Variants in LRRC20 observed in about 807,000 individuals in gnomAD.
The protein encoded by LRRC20 is leucine-rich repeat-containing protein 20.
Under a neutral mutation model 14.4 loss-of-function variants are expected in LRRC20, and 11 were observed. The observed-to-expected ratio is 0.77, with a 90% CI of 0.48 to 1.27. The LOEUF (loss-of-function observed/expected upper bound fraction) is 1.27. Ranked by LOEUF, LRRC20 falls within the 50% of genes most tolerant of loss-of-function variation. LRRC20 has a pLI of 0.00. For synonymous variants in LRRC20, 121 were observed against 107.3 expected (o/e 1.13, Z -0.79); for missense variants, 219 against 251.2 (o/e 0.87, Z 0.87).
chr10:70,305,568 G>C (rs79053618), intron 4 of LRRC20, among the ~76,000 whole-genome samples: 1 of 152,130 alleles, frequency 6.6e-6, no homozygotes, highest in Non-Finnish European at 1.5e-5. Context: ...ATGTCTTTAG[G>C]ACTTTCAGTT....
rs192467321 is a variant in LRRC20, at chr10:70,353,959, A to T, written c.83-13257T>A. Among the ~76,000 whole-genome samples the T allele has an allele frequency of 3.3e-5, 5 of 152,284 alleles. No homozygotes were observed. The East Asian group carries it at 9.6e-4, about 29-fold the overall frequency. The stretch of plus-strand genomic sequence containing the variant: ...ATAAAAGGGGACTTAGAGTTGAAAG[A>T]GCTGGTGAAAGAGTCATCAGGGTAT... On this transcript the variant is annotated intron_variant, in intron 2 of 4. Transcript: ENST00000446961.
chr10:70,312,798 T>C (rs1326177241), intron 4 of LRRC20, among the ~76,000 whole-genome samples: 2 of 152,138 alleles, frequency 1.3e-5, no homozygotes, highest in African/African-American at 4.8e-5. Flanking sequence ...GGACCATCGG[T>C]GCTCTCCAGG....
Position 70,353,204 on chromosome 10 carries a change from C to T in LRRC20, c.83-12502G>A, listed in dbSNP as rs867377488. On this transcript the variant is annotated intron_variant, in intron 2 of 4. Coordinates refer to ENST00000446961, the MANE Select transcript of LRRC20 (RefSeq NM_001278212.2). ...ACCCTATAAATAGGTCACTACTATG[C>T]TTACCCCTGGTTAACAGTTAAGGAA... is the stretch of plus-strand genomic sequence containing the variant. Among the ~76,000 whole-genome samples the T allele has an allele frequency of 5.8e-4, 88 of 152,186 alleles. 2 individuals carry two copies. The highest frequency in any genetic ancestry group is 3.2e-3 in the Middle Eastern group (1 of 316).
At chr10:70,318,657 G>A (rs907156945) in intron 4 of LRRC20, among the ~76,000 whole-genome samples, 3 of 151,932 alleles carry the variant, frequency 2.0e-5, no homozygotes, top group Admixed American at 6.5e-5. Flanking sequence ...GAGAGGCTGA[G>A]GTGGGAGGAT....
At chr10:70,328,328 G>C (rs1237840190) in intron 3 of LRRC20, among the ~76,000 whole-genome samples, 1 of 149,944 alleles carries the variant, frequency 6.7e-6, no homozygotes, top group African/African-American at 2.5e-5. Context: ...ATGGAGTTTT[G>C]CTCTTTCGCC....
At chr10:70,329,898 T>A (rs1397309700) in intron 3 of LRRC20, among the ~76,000 whole-genome samples, 10 of 152,184 alleles carry the variant, frequency 6.6e-5, no homozygotes. Flanking sequence ...CACTGATTGA[T>A]TTCTAAAGTT....
chr10:70,300,493 G>A lies in LRRC20; in HGVS notation c.*861C>T, dbSNP rs1199851565. 2.0e-6 allele frequency: 2 copies of A among 985,448 alleles called. No homozygotes were observed. Among genetic ancestry groups the A allele is most frequent in the African/African-American group, 3.5e-5 (2 of 57,234 alleles). 61.0% of individuals were successfully genotyped at this position (985,448 alleles called of 1,614,324 possible). ...GAGGCCATGACAAGGCAGCCAGGCTGCTGCTGGACTGGACAGTGGTGAGGG... is the reference window on the plus strand; with the variant it reads ...GAGGCCATGACAAGGCAGCCAGGCTACTGCTGGACTGGACAGTGGTGAGGG... On this transcript the variant is annotated 3_prime_UTR_variant, in exon 5 of 5. Transcript: ENST00000446961.
intron 2 of LRRC20, among the ~76,000 whole-genome samples, chr10:70,354,380 C>A (rs547361487): frequency 6.6e-6 from 1 of 152,150 alleles, no homozygotes; most frequent in Non-Finnish European, 1.5e-5. Flanking sequence ...TGCATTTCCA[C>A]CCAGCAGGTC....
intron 4 of LRRC20, among the ~76,000 whole-genome samples, chr10:70,314,450 C>T (rs1490011305): frequency 6.6e-6 from 1 of 152,162 alleles, no homozygotes; most frequent in Admixed American, 6.5e-5. Flanking sequence ...CTTGGCTGGC[C>T]TTGTGATTAT....
chr10:70,370,951 T>A (rs964982054), intron 2 of LRRC20, among the ~76,000 whole-genome samples: 1 of 151,988 alleles, frequency 6.6e-6, no homozygotes, highest in Non-Finnish European at 1.5e-5. Flanking sequence ...GCCCAGGAAT[T>A]CAAGGCTGCA....
At chr10:70,365,788 A>G (rs1316998583) in intron 2 of LRRC20, among the ~76,000 whole-genome samples, 2 of 152,280 alleles carry the variant, frequency 1.3e-5, no homozygotes, top group East Asian at 3.9e-4. Context: ...ACGAATGGAT[A>G]GGCCGGGTGT....
chr10:70,369,277 T>C (rs1844166343), intron 2 of LRRC20, among the ~76,000 whole-genome samples: 1 of 152,072 alleles, frequency 6.6e-6, no homozygotes, highest in Admixed American at 6.5e-5. Flanking sequence ...GCCCTCCTCC[T>C]CATCCCCACC....
chr10:70,365,099 G>A (rs1843929895), intron 2 of LRRC20, among the ~76,000 whole-genome samples: 2 of 115,142 alleles, frequency 1.7e-5, no homozygotes, highest in Non-Finnish European at 3.3e-5. Context: ...TTGCTCTGCC[G>A]CCCAGGCTGG....
Position 70,376,435 on chromosome 10 carries a change from G to A in LRRC20, c.82+17C>T, listed in dbSNP as rs1160049497. ...ACTGCTTCCAGGGAAGTTGGGAAAA[G>A]CCCTGCCCTCACTCACCCAGAGTGT... On this transcript the variant is annotated intron_variant, in intron 2 of 4. Coordinates refer to ENST00000446961, the MANE Select transcript of LRRC20 (RefSeq NM_001278212.2). 1.2e-6 allele frequency: 2 copies of A among 1,613,596 alleles called. No individual in the cohort carries two copies. Among genetic ancestry groups the A allele is most frequent in the Admixed American group, 3.3e-5 (2 of 59,996 alleles).
chr10:70,366,176 A>G (rs1452875255), intron 2 of LRRC20, among the ~76,000 whole-genome samples: 1 of 152,060 alleles, frequency 6.6e-6, no homozygotes, highest in African/African-American at 2.4e-5. Flanking sequence ...TAGTCCCAGC[A>G]CTTTGGGAGG....
Position 70,323,846 on chromosome 10 carries a change from GGGCCA to G in LRRC20, c.400+12_400+16del. 6.2e-7 allele frequency: 1 copy of G among 1,613,612 alleles called. No individual in the cohort carries two copies. The highest frequency in any genetic ancestry group is 2.2e-5 in the East Asian group (1 of 44,850). On this transcript the variant is annotated intron_variant, in intron 4 of 4. Transcript: ENST00000446961. ...CTCGTGCAGCAGCCCAGGGCCAGGT[GGGCCA>G]GGCCCACTCACCTACGATCTCGTTC...
intron 4 of LRRC20, among the ~76,000 whole-genome samples, chr10:70,302,640 A>T (rs1021823713): frequency 2.0e-5 from 3 of 152,012 alleles, no homozygotes; most frequent in Admixed American, 2.0e-4. Context: ...CAGGAGGCTG[A>T]GGCAGGAGAA....
At chr10:70,357,033 G>GA (rs1214991573) in intron 2 of LRRC20, among the ~76,000 whole-genome samples, 1 of 152,218 alleles carries the variant, frequency 6.6e-6, no homozygotes, top group African/African-American at 2.4e-5. Context: ...AAAAAGGAAT[G>GA]AAATCCTGAC....
intron 1 of LRRC20, 56 bp downstream of exon 1, chr10:70,382,493 C>T (rs971037963): frequency 2.6e-5 from 4 of 152,364 alleles, no homozygotes; most frequent in Non-Finnish European, 4.4e-5. Context: ...ACTACATTTA[C>T]TTTGCGGGGC....
Sources: allele counts gnomAD v4.1 joint callset (sites outside exome capture counted in the v4.1 genomes callset), GRCh38; gene constraint gnomAD v4.1.1; transcripts MANE v1.5; gene names NCBI Gene and HGNC (gene_info 2026-07-23, HGNC 2026-07-21).